The following IGF2BP2 variants were observed in gnomAD, a reference collection of about 807,000 sequenced individuals.
The protein encoded by IGF2BP2 is insulin-like growth factor 2 mRNA-binding protein 2.
In IGF2BP2, 17 loss-of-function variants were observed where a neutral mutation model predicts 75.8. That is an observed-to-expected ratio of 0.22 (90% CI 0.15 to 0.34). The LOEUF is 0.34. Ranked by LOEUF, IGF2BP2 falls within the 10% of genes least tolerant of loss-of-function variation. The pLI, the probability that IGF2BP2 is intolerant of heterozygous loss-of-function variation, is 1.00. For synonymous variants in IGF2BP2, 288 were observed against 295.6 expected (o/e 0.97, Z 0.26); for missense variants, 516 against 772.4 (o/e 0.67, Z 3.93).
At chr3:185,777,887 C>CA in intron 2 of IGF2BP2, among the ~76,000 whole-genome samples, 1 of 151,898 alleles carries the variant, frequency 6.6e-6, no homozygotes, top group South Asian at 2.1e-4. Context: ...ACTAAATATA[C>CA]AAAAAAATTA....
chr3:185,792,765 CAA>C (rs57107858), intron 2 of IGF2BP2, among the ~76,000 whole-genome samples: 13 of 93,594 alleles, frequency 1.4e-4, no homozygotes, highest in Admixed American at 3.4e-4. Context: ...GACTCCGTCT[CAA>C]AAAAAAAAAA....
intron 2 of IGF2BP2, among the ~76,000 whole-genome samples, chr3:185,745,643 C>G (rs988660981): frequency 3.3e-5 from 5 of 152,140 alleles, no homozygotes; most frequent in African/African-American, 1.2e-4. Context: ...CTTCCCTCAG[C>G]CCCCACAACT....
intron 2 of IGF2BP2, among the ~76,000 whole-genome samples, chr3:185,780,114 T>C (rs1247274814): frequency 6.6e-6 from 1 of 152,222 alleles, no homozygotes; most frequent in Non-Finnish European, 1.5e-5. Context: ...ATGTTCCACT[T>C]AGTATGACAG....
intron 2 of IGF2BP2, among the ~76,000 whole-genome samples, chr3:185,816,400 A>G (rs1740611693): frequency 6.6e-6 from 1 of 152,216 alleles, no homozygotes; most frequent in Admixed American, 6.5e-5. Flanking sequence ...TTTTCTAAAA[A>G]CTATAGCAAA....
At position 185,692,723 on chromosome 3, in the gene IGF2BP2, T is replaced by C. The variant is rs1722106916; in HGVS notation, c.380A>G (p.Tyr127Cys). The C allele has an allele frequency of 6.2e-7, 1 of 1,613,910 alleles. No homozygotes were observed. The highest frequency in any genetic ancestry group is 8.5e-7 in the Non-Finnish European group (1 of 1,179,920). The change falls in exon 5 of 16, where the codon TAT (tyrosine) becomes TGT (cysteine). Residue 127 changes from tyrosine (Y) to cysteine (C), a missense_variant. By Grantham distance (194) the Tyr-to-Cys change is radical. This residue lies in a region of IGF2BP2 where 312 missense variants were observed against 474.5 expected (regional missense o/e 0.66). Transcript: ENST00000382199. Reference protein sequence around the residue: ...DTETAVVNVTYATREEAKIAM... With the variant: ...DTETAVVNVTCATREEAKIAM... Reference sequence around the variant, plus strand: ...CATTTTTGCTTCTTCTCTTGTTGCATATGTGACGTTGACAACGGCGGTTTC... The same window carrying C: ...CATTTTTGCTTCTTCTCTTGTTGCACATGTGACGTTGACAACGGCGGTTTC...
At chr3:185,667,492 A>G (rs77107243) in intron 10 of IGF2BP2, among the ~76,000 whole-genome samples, 17 of 152,326 alleles carry the variant, frequency 1.1e-4, no homozygotes, top group Middle Eastern at 6.8e-3. Flanking sequence ...TTAAAGAAAA[A>G]GAAAATAGGG....
chr3:185,821,852 A>C (rs143865641), intron 2 of IGF2BP2, among the ~76,000 whole-genome samples: 224 of 152,278 alleles, frequency 1.5e-3, no homozygotes, highest in African/African-American at 5.1e-3. Flanking sequence ...TGGATTTCTC[A>C]AGCAAAAAAT....
chr3:185,784,991 G>A (rs1560465747), intron 2 of IGF2BP2, among the ~76,000 whole-genome samples: 1 of 152,132 alleles, frequency 6.6e-6, no homozygotes, highest in Non-Finnish European at 1.5e-5. Context: ...AAATGCCTGT[G>A]TTTTCTTTTC....
chr3:185,689,593 T>C lies in IGF2BP2; in HGVS notation c.439A>G (p.Asn147Asp). ...ATGTAGGAAATCTTGAAGGAGTAGT[T>C]CTCAAACTGATGCCCGCTTAGCTTC... is the stretch of plus-strand genomic sequence containing the variant. ...MEKLSGHQFE[N>D]YSFKISYIPD... Residue 147 changes from asparagine to aspartate, a missense_variant, in exon 6 of 16, where the codon AAC (asparagine) becomes GAC (aspartate). Physicochemically the swap from Asn to Asp is conservative, Grantham distance 23. This residue lies in a region of IGF2BP2 where 312 missense variants were observed against 474.5 expected (regional missense o/e 0.66). Transcript: ENST00000382199. 1.9e-6 allele frequency: 3 copies of C among 1,614,134 alleles called. No individual in the cohort carries two copies. Among genetic ancestry groups the C allele is most frequent in the Non-Finnish European group, 2.5e-6 (3 of 1,179,992 alleles).
In IGF2BP2 at chr3:185,645,982, G is replaced by A. The variant is rs1415058809; in HGVS notation, c.1708-359C>T. Among the ~76,000 whole-genome samples, 4 of 152,006 alleles carry A rather than the reference G, an allele frequency of 2.6e-5. No homozygotes were observed. The highest frequency in any genetic ancestry group is 9.7e-5 in the African/African-American group (4 of 41,362). ...GCTGCTCCCGCCCCCGTTCTACAGCGGCTAGGAGGGCATGAGTGTGAGGGA... is the reference window on the plus strand; with the variant it reads ...GCTGCTCCCGCCCCCGTTCTACAGCAGCTAGGAGGGCATGAGTGTGAGGGA... On this transcript the variant is annotated intron_variant, in intron 15 of 15. Coordinates refer to ENST00000382199, the MANE Select transcript of IGF2BP2 (RefSeq NM_006548.6). The surrounding 1 kb of genome is among the most constrained non-coding windows in gnomAD (Gnocchi z 4.9).
At chr3:185,731,246 C>CTTTTTTTTTTTTT (rs760172663) in intron 2 of IGF2BP2, among the ~76,000 whole-genome samples, 55 of 129,232 alleles carry the variant, frequency 4.3e-4, no homozygotes, top group African/African-American at 1.6e-3. Context: ...GCATCACTTT[C>CTTTTTTTTTTTTT]TTTTTTTTTT....
intron 4 of IGF2BP2, chr3:185,693,148 C>T (rs1331459667): frequency 6.1e-6 from 1 of 164,114 alleles, no homozygotes. Context: ...CCACTATTTG[C>T]TAGTCTAAAT....
intron 10 of IGF2BP2, among the ~76,000 whole-genome samples, chr3:185,660,452 TTGGAATGAGAAGGCAGAGATGTGAACA>T (rs1716240490): frequency 6.6e-6 from 1 of 152,144 alleles, no homozygotes; most frequent in African/African-American, 2.4e-5. Flanking sequence ...CTTTTTGAGC[TTGGAATGAGAAGGCAGAGATGTGAACA>T]ACTTGAGGAG....
intron 2 of IGF2BP2, among the ~76,000 whole-genome samples, chr3:185,741,336 T>C (rs1729528508): frequency 6.6e-6 from 1 of 152,208 alleles, no homozygotes; most frequent in Non-Finnish European, 1.5e-5. Context: ...ATATGCAGAA[T>C]ACCTTGCTGC....
intron 2 of IGF2BP2, among the ~76,000 whole-genome samples, chr3:185,741,173 G>A (rs79106583): frequency 7.6e-4 from 115 of 152,234 alleles, no homozygotes; most frequent in African/African-American, 2.5e-3. Context: ...GTGCCCGGCC[G>A]CATATTTCCT....
intron 2 of IGF2BP2, among the ~76,000 whole-genome samples, chr3:185,727,679 T>C (rs1348252803): frequency 1.3e-5 from 2 of 152,200 alleles, no homozygotes; most frequent in Non-Finnish European, 2.9e-5. Context: ...AATGCAATCA[T>C]GACACTGTTT....
chr3:185,740,009 CCAT>C (rs1261517063), intron 2 of IGF2BP2, among the ~76,000 whole-genome samples: 6 of 151,810 alleles, frequency 4.0e-5, no homozygotes, highest in Non-Finnish European at 8.8e-5. Flanking sequence ...GCGTACACCA[CCAT>C]ACCTGTCTAA....
At chr3:185,698,202 G>A in intron 3 of IGF2BP2, 97 bp downstream of exon 3, 1 of 1,035,568 alleles carries the variant, frequency 9.7e-7, no homozygotes, top group Middle Eastern at 2.1e-4. Flanking sequence ...CAGAAGCTTT[G>A]TGGGAAACAC....
At chr3:185,800,478 C>T (rs1472634302) in intron 2 of IGF2BP2, among the ~76,000 whole-genome samples, 7 of 152,034 alleles carry the variant, frequency 4.6e-5, no homozygotes, top group African/African-American at 1.7e-4. Context: ...GTGGCTCACA[C>T]CTGTAATCCC....
Sources: gnomAD v4.1 joint callset for allele counts (sites outside exome capture counted in the v4.1 genomes callset) on GRCh38, gnomAD v4.1.1 for gene constraint, gnomAD v4.1.1 regional missense constraint, Gnocchi (gnomAD v3.1) non-coding constraint, MANE v1.5 for transcripts, NCBI Gene and HGNC (gene_info 2026-07-23, HGNC 2026-07-21) for gene names.